Variants in PRDM14 observed in about 807,000 individuals in gnomAD.
PRDM14 encodes the protein PR domain zinc finger protein 14.
Under a neutral mutation model 48.0 loss-of-function variants are expected in PRDM14, and 16 were observed. The ratio of observed to expected loss-of-function variants is 0.33; its 90% confidence interval spans 0.23 to 0.51. The LOEUF (loss-of-function observed/expected upper bound fraction) is 0.51, where lower values mean the gene tolerates loss of function less well. PRDM14 is among the 20% of genes least tolerant of loss of function. The pLI, the probability that PRDM14 is intolerant of heterozygous loss-of-function variation, is 0.97. For missense variants in PRDM14, 566 were observed against 719.6 expected (o/e 0.79, Z 2.44); for synonymous variants, 264 against 276.6 (o/e 0.95, Z 0.45).
In PRDM14 at chr8:70,058,759, G is replaced by A. The variant is rs369420032; in HGVS notation, c.1267C>T (p.Pro423Ser). 3.1e-6 allele frequency: 5 copies of A among 1,613,914 alleles called. No homozygotes were observed. In the African/African-American group the frequency reaches 6.7e-5, roughly 22 times the overall value. ...YYRDKHLKYT[P>S]CVDKGDRKFP... ...TTCCTATCGCCCTTGTCCACACAGGGGGTGTACTTGAGGTGCTTATCTCTG... is the reference window on the plus strand; with the variant it reads ...TTCCTATCGCCCTTGTCCACACAGGAGGTGTACTTGAGGTGCTTATCTCTG... The change falls in exon 6 of 8, where the codon CCC becomes TCC. Residue 423 changes from proline (P) to serine (S), a missense_variant. Around this residue, in one of 3 missense-constraint regions of PRDM14, gnomAD observed 126 missense variants for 271.6 expected, o/e 0.46. Coordinates refer to ENST00000276594, the MANE Select transcript of PRDM14 (RefSeq NM_024504.4).
chr8:70,055,045 T>C (rs1037869877), intron 7 of PRDM14, among the ~76,000 whole-genome samples: 1 of 152,200 alleles, frequency 6.6e-6, no homozygotes, highest in Admixed American at 6.5e-5. Context: ...TACTATGTAA[T>C]AGGTCATCAG....
At chr8:70,061,062 C>G (rs1410789169) in intron 5 of PRDM14, among the ~76,000 whole-genome samples, 1 of 151,706 alleles carries the variant, frequency 6.6e-6, no homozygotes, top group East Asian at 1.9e-4. Flanking sequence ...GAATGGCAGA[C>G]AAGACTGAGA....
At chr8:70,066,048 C>T (rs1805661772) in intron 5 of PRDM14, among the ~76,000 whole-genome samples, 187 bp downstream of exon 5, 1 of 152,138 alleles carries the variant, frequency 6.6e-6, no homozygotes, top group African/African-American at 2.4e-5. Context: ...GGAGTAGCTT[C>T]CGCAGCTTTG....
At position 70,068,466 on chromosome 8, in the gene PRDM14, G is replaced by C; in HGVS notation, c.754+13C>G. ...GTTCAGGGAAAGAAATCCATGCAAG[G>C]AGTCCTGCCTACCTTCTGGAAGTTG... On this transcript the variant is annotated intron_variant, in intron 3 of 7. Coordinates refer to ENST00000276594, the MANE Select transcript of PRDM14 (RefSeq NM_024504.4). The C allele has an allele frequency of 6.2e-7, 1 of 1,614,026 alleles. No individual in the cohort carries two copies. The highest frequency in any genetic ancestry group is 8.5e-7 in the Non-Finnish European group (1 of 1,179,872).
At chr8:70,070,050 C>T (rs897556302) in intron 1 of PRDM14, among the ~76,000 whole-genome samples, 166 bp from the exon 2 acceptor site, 1 of 152,070 alleles carries the variant, frequency 6.6e-6, no homozygotes, top group Non-Finnish European at 1.5e-5. Flanking sequence ...TAAGACAAAA[C>T]GAAAAAACAG....
Position 70,052,002 on chromosome 8 carries a change from G to T in PRDM14, c.*75C>A. The T allele has an allele frequency of 9.7e-7, 1 of 1,033,048 alleles. No homozygotes were observed. Among genetic ancestry groups the T allele is most frequent in the Non-Finnish European group, 1.4e-6 (1 of 690,294 alleles). The allele number at this position is 1,033,048 out of a possible 1,614,324, so 64.0% of individuals were successfully genotyped here. A position where few individuals can be genotyped will look rare whatever the true frequency, so the allele number is the denominator to read the frequency against. On this transcript the variant is annotated 3_prime_UTR_variant, in exon 8 of 8. Transcript: ENST00000276594. ...TTGCCCAGGCTGGTCTCGAACTCCT[G>T]GACTTGAGTGATCCACCCACCTCTG...
intron 5 of PRDM14, among the ~76,000 whole-genome samples, chr8:70,060,400 A>AC (rs1805557156): frequency 8.0e-6 from 1 of 124,510 alleles, no homozygotes; most frequent in Non-Finnish European, 1.7e-5. Context: ...CTTTGTCTCG[A>AC]AAAAAAAAAA....
intron 7 of PRDM14, among the ~76,000 whole-genome samples, chr8:70,054,776 C>T (rs886577941): frequency 6.6e-6 from 1 of 151,870 alleles, no homozygotes; most frequent in Non-Finnish European, 1.5e-5. Flanking sequence ...ACCTCAGCCT[C>T]CCAAAGTGCT....
chr8:70,062,935 T>C (rs2131039711), intron 5 of PRDM14, among the ~76,000 whole-genome samples: 1 of 152,332 alleles, frequency 6.6e-6, no homozygotes, highest in Non-Finnish European at 1.5e-5. Context: ...GCTGAGCCTG[T>C]ATCATCATTT....
rs9969435 is a variant in PRDM14, at chr8:70,069,216, G to A, written c.645C>T (p.His215=). ...AAATCGCATGGTGCAGGCTGGCTGG[G>A]TGCTCCAGGCTGGGAGTGACCCCGT... ...VLYGVTPSLE[H]PASLHHAISG... is the part of the protein sequence containing the mutation. Residue 215 remains histidine (H), a synonymous_variant, in exon 2 of 8, where the codon CAC becomes CAT. Transcript: ENST00000276594. 0.045 allele frequency: 71,283 copies of A among 1,568,464 alleles called. 1,775 individuals carry two copies. The highest frequency in any genetic ancestry group is 0.076 in the African/African-American group (5,662 of 74,136).
chr8:70,058,335 T>C (rs1805515995), intron 6 of PRDM14, among the ~76,000 whole-genome samples: 1 of 152,108 alleles, frequency 6.6e-6, no homozygotes, highest in Admixed American at 6.5e-5. Context: ...GACACCCCAT[T>C]TGTCCTTCTA....
intron 6 of PRDM14, among the ~76,000 whole-genome samples, chr8:70,057,427 T>C (rs1379312144): frequency 6.6e-6 from 1 of 151,860 alleles, no homozygotes; most frequent in African/African-American, 2.4e-5. Flanking sequence ...CCTCTGGGGT[T>C]GAAGCAATTC....
intron 5 of PRDM14, among the ~76,000 whole-genome samples, chr8:70,064,117 T>G (rs999689544): frequency 6.6e-6 from 1 of 151,996 alleles, no homozygotes; most frequent in Non-Finnish European, 1.5e-5. Context: ...GAACCCAGCA[T>G]GGACATAAGA....
chr8:70,069,682 G>A lies in PRDM14; in HGVS notation c.179C>T (p.Ala60Val). 3 of 1,551,878 alleles carry A rather than the reference G, an allele frequency of 1.9e-6. No homozygotes were observed. The highest frequency in any genetic ancestry group is 2.6e-6 in the Non-Finnish European group (3 of 1,149,004). ...GGGGGGCATGGCGGGGGCAGCAGAC[G>A]CTGCGGCCTCCAGCTGCCGGAAAGG... is the stretch of plus-strand genomic sequence containing the variant. The part of the protein sequence containing the change: ...FQPFRQLEAA[A>V]SAAPAMPPFP... Residue 60 changes from alanine (A) to valine (V), a missense_variant, in exon 2 of 8, where the codon GCG becomes GTG. Physicochemically the swap from Ala to Val is moderately conservative, Grantham distance 64. Coordinates refer to ENST00000276594, the MANE Select transcript of PRDM14 (RefSeq NM_024504.4).
chr8:70,052,820 G>A (rs1457047492), intron 7 of PRDM14, among the ~76,000 whole-genome samples: 1 of 123,348 alleles, frequency 8.1e-6, no homozygotes, highest in Non-Finnish European at 1.6e-5. Context: ...AGCCGTTATT[G>A]CACCACTGTA....
chr8:70,060,963 C>T (rs1268057683), intron 5 of PRDM14, among the ~76,000 whole-genome samples: 1 of 152,222 alleles, frequency 6.6e-6, no homozygotes, highest in East Asian at 1.9e-4. Context: ...TTGAAAGCAT[C>T]TTGACTTCCC....
Position 70,069,280 on chromosome 8 carries a change from C to T in PRDM14, c.581G>A (p.Arg194Gln), listed in dbSNP as rs745606576. 2 of 1,610,946 alleles carry T rather than the reference C, an allele frequency of 1.2e-6. No individual in the cohort carries two copies. The highest frequency in any genetic ancestry group is 2.2e-5 in the East Asian group (1 of 44,828). ...PSNQEGKSPA[R>Q]FQFTEEDLHF... is the part of the protein sequence containing the mutation. The stretch of plus-strand genomic sequence containing the variant: ...CAGGTCCTCCTCCGTGAACTGGAAC[C>T]GAGCAGGGGACTTCCCTTCTTGGTT... Residue 194 changes from arginine to glutamine, a missense_variant, in exon 2 of 8, where the codon CGG becomes CAG. Physicochemically the swap from Arg to Gln is conservative, Grantham distance 43. This residue lies in a region of PRDM14 where 410 missense variants were observed against 424.6 expected (regional missense o/e 0.97). Transcript: ENST00000276594.
At chr8:70,068,641 A>C in intron 2 of PRDM14, 109 bp from the exon 3 acceptor site, 1 of 897,050 alleles carries the variant, frequency 1.1e-6, no homozygotes. Flanking sequence ...TCCCAGTTTG[A>C]TATTTATTTG....
intron 7 of PRDM14, among the ~76,000 whole-genome samples, chr8:70,052,841 G>T (rs1805409429): frequency 7.6e-6 from 1 of 131,904 alleles, no homozygotes; most frequent in Non-Finnish European, 1.6e-5. Flanking sequence ...CTCCAGCCTG[G>T]GTGACAGAGT....
Sources: allele counts gnomAD v4.1 joint callset (sites outside exome capture counted in the v4.1 genomes callset), GRCh38; gene constraint gnomAD v4.1.1; regional missense constraint gnomAD v4.1.1; transcripts MANE v1.5; gene names NCBI Gene and HGNC (gene_info 2026-07-23, HGNC 2026-07-21).